OFD1: variants seen among roughly 807,000 people sequenced by gnomAD.
The protein encoded by OFD1 is OFD1 centriole and centriolar satellite protein, also known as centriole and centriolar satellite protein OFD1.
Under a neutral mutation model 81.4 loss-of-function variants are expected in OFD1, and 12 were observed. The ratio of observed to expected loss-of-function variants is 0.15; its 90% CI spans 0.09 to 0.24. The LOEUF (loss-of-function observed/expected upper bound fraction) is 0.24, where lower values mean the gene tolerates loss of function less well. OFD1 is among the 10% of genes least tolerant of loss of function. The pLI is 1.00. For synonymous variants in OFD1, 256 were observed against 263.7 expected (o/e 0.97, Z 0.28); for missense variants, 685 against 733.9 (o/e 0.93, Z 0.77).
In OFD1 at chrX:13,757,723, C is replaced by A. The variant is rs1416630538; in HGVS notation, c.1475C>A (p.Ala492Asp). The change falls in exon 14 of 23, where the codon GCT becomes GAT. Residue 492 changes from alanine (A) to aspartate (D), a missense_variant. Around this residue, in one of 3 missense-constraint regions of OFD1, gnomAD observed 414 missense variants for 447.2 expected, o/e 0.93. Coordinates refer to ENST00000340096, the MANE Select transcript of OFD1 (RefSeq NM_003611.3). ...AAAGAACTACGGAAAGCCGAAAAGG[C>A]TATAGTGGTTGAGCATGAGGAGTTC... ...FQKELRKAEKAIVVEHEEFES... is the reference protein window; with the variant it reads ...FQKELRKAEKDIVVEHEEFES... 1.7e-6 allele frequency: 2 copies of A among 1,210,093 alleles called. No homozygotes were observed. Among genetic ancestry groups the A allele is most frequent in the Admixed American group, 4.4e-5 (2 of 45,856 alleles).
chrX:13,762,481 A>G (rs2047972683), intron 18 of OFD1, 37 bp downstream of exon 18: 2 of 884,228 alleles, frequency 2.3e-6, no homozygotes, highest in South Asian at 4.1e-5. Context: ...TTATATGTTG[A>G]AAATCTAGAA....
At chrX:13,732,592 G>A, upstream of OFD1, among the ~76,000 whole-genome samples, 1 of 112,490 alleles carries the variant, frequency 8.9e-6, no homozygotes, top group Non-Finnish European at 1.9e-5. Context: ...ACCTACAGGA[G>A]GGCCAAGTAT....
intron 19 of OFD1, among the ~76,000 whole-genome samples, chrX:13,765,756 T>C (rs749303445): frequency 1.4e-3 from 154 of 111,852 alleles, no homozygotes; most frequent in Middle Eastern, 4.6e-3. Context: ...ATTAAAACTT[T>C]TGAGATATAG....
At chrX:13,732,176 T>C (rs149439335), upstream of OFD1, among the ~76,000 whole-genome samples, 745 of 111,785 alleles carry the variant, frequency 6.7e-3, 4 homozygotes, top group African/African-American at 0.023. Context: ...AATATTATCA[T>C]CTTTGGGGAA....
the OFD1 span, among the ~76,000 whole-genome samples, chrX:13,725,302 G>A: frequency 2.7e-5 from 3 of 112,716 alleles, no homozygotes; most frequent in Non-Finnish European, 5.6e-5. Flanking sequence ...TCCTCAAGGG[G>A]GTCCCTGACC....
intron 3 of OFD1, among the ~76,000 whole-genome samples, chrX:13,736,905 T>C (rs753350818): frequency 9.3e-4 from 105 of 112,690 alleles, no homozygotes; most frequent in Admixed American, 3.9e-3. Flanking sequence ...AACAGTGATG[T>C]ATAGAATCTC....
the OFD1 span, among the ~76,000 whole-genome samples, chrX:13,727,972 C>T: frequency 5.1e-3 from 568 of 112,093 alleles, 3 homozygotes; most frequent in Non-Finnish European, 9.3e-3. Flanking sequence ...CTATAAACAC[C>T]TCTACGCAAA....
chrX:13,742,994 G>A (rs1436061109), intron 5 of OFD1, among the ~76,000 whole-genome samples: 1 of 112,022 alleles, frequency 8.9e-6, no homozygotes, highest in Admixed American at 9.4e-5. Flanking sequence ...GGGGGAAAAG[G>A]TGCTGAGCTA....
intron 17 of OFD1, among the ~76,000 whole-genome samples, chrX:13,761,904 C>CT (rs747167069): frequency 0.058 from 3,954 of 68,697 alleles, 159 homozygotes; most frequent in African/African-American, 0.11. Context: ...AGTCCTAAAG[C>CT]TTTTTTTTTT....
At chrX:13,768,470 TTAAG>T (rs777848128) in intron 21 of OFD1, among the ~76,000 whole-genome samples, 10 of 112,261 alleles carry the variant, frequency 8.9e-5, no homozygotes, top group African/African-American at 3.2e-4. Flanking sequence ...GGGTGGCTCA[TTAAG>T]AAAGAAAAGA....
chrX:13,763,647 C>T, intron 18 of OFD1, 98 bp from the exon 19 acceptor site: 1 of 663,357 alleles, frequency 1.5e-6, no homozygotes, highest in Non-Finnish European at 2.5e-6. Flanking sequence ...ACTTTGGCTT[C>T]AGTTCCCGTG....
chrX:13,723,914 T>C, the OFD1 span, among the ~76,000 whole-genome samples: 2 of 111,379 alleles, frequency 1.8e-5, no homozygotes, highest in African/African-American at 6.5e-5. Flanking sequence ...GATAGGAACA[T>C]TGTCCTGGAT....
upstream of OFD1, among the ~76,000 whole-genome samples, chrX:13,731,429 G>A (rs1025921927): frequency 1.8e-5 from 2 of 112,408 alleles, no homozygotes; most frequent in East Asian, 2.8e-4. Flanking sequence ...ACTCCTGGTT[G>A]TACTAGAACA....
At chrX:13,728,255 C>T in the OFD1 span, among the ~76,000 whole-genome samples, 3 of 111,916 alleles carry the variant, frequency 2.7e-5, no homozygotes, top group African/African-American at 9.8e-5. Context: ...TTTTATGAAG[C>T]CAACATCATC....
intron 5 of OFD1, among the ~76,000 whole-genome samples, chrX:13,740,466 A>G (rs1297304389): frequency 8.9e-6 from 1 of 112,100 alleles, no homozygotes; most frequent in Non-Finnish European, 1.9e-5. Flanking sequence ...CTATTACTTC[A>G]AAAGGAAATT....
chrX:13,739,230 C>A, intron 5 of OFD1, 198 bp downstream of exon 5: 3 of 337,605 alleles, frequency 8.9e-6, no homozygotes, highest in Non-Finnish European at 1.6e-5. Flanking sequence ...TAGACAGTAT[C>A]AAAGGCCCTA....
intron 5 of OFD1, among the ~76,000 whole-genome samples, chrX:13,742,379 A>G (rs758170558): frequency 8.9e-6 from 1 of 111,895 alleles, no homozygotes; most frequent in East Asian, 2.8e-4. Flanking sequence ...ATGCAAAACT[A>G]TAAAACTTCC....
chrX:13,748,545 T>A (rs761875602), intron 8 of OFD1, among the ~76,000 whole-genome samples: 3 of 112,335 alleles, frequency 2.7e-5, no homozygotes, highest in Non-Finnish European at 5.6e-5. Flanking sequence ...TCTTTAGAGA[T>A]GAGGACTATA....
chrX:13,749,468 A>T lies in OFD1; in HGVS notation c.870A>T (p.Leu290=). 2.5e-6 allele frequency: 3 copies of T among 1,202,302 alleles called. No individual in the cohort carries two copies. The highest frequency in any genetic ancestry group is 3.4e-6 in the Non-Finnish European group (3 of 887,901). The change falls in exon 9 of 23, where the codon CTA becomes CTT. Residue 290 remains leucine (L), a synonymous_variant. Coordinates refer to ENST00000340096, the MANE Select transcript of OFD1 (RefSeq NM_003611.3). ...TTTATGCTCAAAGGCAACTTTTACT[A>T]AAAGATATGGATTTGCTAAGAGGAA... ...KEIYAQRQLL[L]KDMDLLRGRE... is the part of the protein sequence containing the mutation.
Sources: gnomAD v4.1 joint callset for allele counts (sites outside exome capture counted in the v4.1 genomes callset) on GRCh38, gnomAD v4.1.1 for gene constraint, gnomAD v4.1.1 regional missense constraint, MANE v1.5 for transcripts, NCBI Gene and HGNC (gene_info 2026-07-23, HGNC 2026-07-21) for gene names.